NELL1: variants seen among roughly 807,000 people sequenced by gnomAD.
NELL1 encodes neural EGFL like 1, also known as protein kinase C-binding protein NELL1.
Under a neutral mutation model 107.4 loss-of-function variants are expected in NELL1, and 76 were observed. That is an observed-to-expected ratio of 0.71 (90% CI 0.59 to 0.86). The LOEUF (loss-of-function observed/expected upper bound fraction) is 0.86, where lower values mean the gene tolerates loss of function less well. NELL1 is among the 40% of genes least tolerant of loss of function. The probability of loss-of-function intolerance (pLI) is 0.00; values close to 1 mark genes in which losing one functional copy is unlikely to be tolerated. For synonymous variants in NELL1, 353 were observed against 341.2 expected (o/e 1.03, Z -0.38); for missense variants, 1,024 against 1,005.5 (o/e 1.02, Z -0.25).
chr11:20,744,811 G>A (rs1022240558), intron 2 of NELL1, among the ~76,000 whole-genome samples: 1 of 152,202 alleles, frequency 6.6e-6, no homozygotes, highest in African/African-American at 2.4e-5. Context: ...GGAGTAGGGA[G>A]GGAATATATT....
chr11:21,195,372 C>T (rs1047958320), intron 13 of NELL1, among the ~76,000 whole-genome samples: 2 of 152,258 alleles, frequency 1.3e-5, no homozygotes, highest in African/African-American at 4.8e-5. Flanking sequence ...GGGGCAACCA[C>T]TATCAGAAAA....
At chr11:20,702,276 G>C (rs537883297) in intron 2 of NELL1, among the ~76,000 whole-genome samples, 36 of 152,236 alleles carry the variant, frequency 2.4e-4, no homozygotes, top group African/African-American at 8.7e-4. Flanking sequence ...AAGCAATTAT[G>C]AATAGGAGTT....
At position 20,700,864 on chromosome 11, in the gene NELL1, T is replaced by C. The variant is rs372156378; in HGVS notation, c.184+22804T>C. On this transcript the variant is annotated intron_variant, in intron 2 of 19. Transcript: ENST00000357134. ...TATCCTTTTTTATGGCTGCCTAGTA[T>C]TCCATGGTGTATATGTGCCACATTT... Among the ~76,000 whole-genome samples the C allele has an allele frequency of 2.6e-5, 4 of 152,204 alleles. No individual in the cohort carries two copies. In the East Asian group the frequency reaches 5.8e-4, roughly 22 times the overall value.
intron 14 of NELL1, among the ~76,000 whole-genome samples, chr11:21,261,467 C>T (rs145055780): frequency 1.8e-4 from 27 of 151,640 alleles, no homozygotes; most frequent in East Asian, 9.7e-4. Context: ...TCCATTTGTA[C>T]GACTAATTAT....
intron 14 of NELL1, among the ~76,000 whole-genome samples, chr11:21,333,330 C>T (rs1027673270): frequency 8.6e-5 from 13 of 152,042 alleles, no homozygotes; most frequent in Admixed American, 1.3e-4. Context: ...TTCTAGGTTA[C>T]GGTTAAGGTG....
chr11:21,181,701 C>G (rs1468640972), intron 13 of NELL1, among the ~76,000 whole-genome samples: 1 of 151,834 alleles, frequency 6.6e-6, no homozygotes, highest in African/African-American at 2.4e-5. Context: ...GTTAACATTT[C>G]TTTTCTCTCT....
chr11:21,544,230 A>G (rs1856372233), intron 16 of NELL1, among the ~76,000 whole-genome samples: 2 of 152,048 alleles, frequency 1.3e-5, no homozygotes, highest in Non-Finnish European at 2.9e-5. Flanking sequence ...GGATGTTATT[A>G]TAAGTATTAT....
chr11:21,540,965 CCT>C lies in NELL1; in HGVS notation c.1786+6454_1786+6455del, dbSNP rs1368276032. ...TAATAATAAGAATAAAAATTTCTCCCCTCTTATTTGTCTTCATAGCCGTTTAT... is the reference window on the plus strand; with the variant it reads ...TAATAATAAGAATAAAAATTTCTCCCCTTATTTGTCTTCATAGCCGTTTAT... On this transcript the variant is annotated intron_variant, in intron 16 of 19. Transcript: ENST00000357134. 2.6e-5 allele frequency among the ~76,000 whole-genome samples: 4 copies of C among 152,104 alleles called. No homozygotes were observed. The East Asian group carries it at 7.8e-4, about 30-fold the overall frequency.
chr11:21,311,079 A>C (rs926580347), intron 14 of NELL1, among the ~76,000 whole-genome samples: 1 of 152,028 alleles, frequency 6.6e-6, no homozygotes, highest in Non-Finnish European at 1.5e-5. Flanking sequence ...CTGGCTTCTC[A>C]TAGTGTTTAA....
At chr11:20,698,962 A>G (rs1467686578) in intron 2 of NELL1, among the ~76,000 whole-genome samples, 1 of 152,076 alleles carries the variant, frequency 6.6e-6, no homozygotes, top group Non-Finnish European at 1.5e-5. Flanking sequence ...CATGCCTGTA[A>G]TCCCAGTACT....
chr11:20,695,635 A>T (rs541420660), intron 2 of NELL1, among the ~76,000 whole-genome samples: 1 of 152,114 alleles, frequency 6.6e-6, no homozygotes, highest in East Asian at 1.9e-4. Flanking sequence ...CTTGATCATG[A>T]TGAATTAACT....
At chr11:21,081,705 T>C (rs1271841423) in intron 12 of NELL1, among the ~76,000 whole-genome samples, 5 of 152,192 alleles carry the variant, frequency 3.3e-5, no homozygotes, top group Non-Finnish European at 7.3e-5. Flanking sequence ...CAAACTGCTA[T>C]GATCTCTTTT....
At chr11:20,898,599 A>G (rs1438963124) in intron 5 of NELL1, among the ~76,000 whole-genome samples, 3 of 151,666 alleles carry the variant, frequency 2.0e-5, no homozygotes, top group African/African-American at 7.3e-5. Context: ...TTTTCACCAC[A>G]TCCACGTCAA....
At chr11:21,461,634 TACA>T (rs1308424960) in intron 15 of NELL1, among the ~76,000 whole-genome samples, 3 of 152,196 alleles carry the variant, frequency 2.0e-5, no homozygotes, top group East Asian at 3.9e-4. Context: ...CCTTAATTCT[TACA>T]ACAACTTTGA....
rs1565122814 is a variant in NELL1, at chr11:21,232,179, A to ATATATATATAT, written c.1549+2725_1549+2726insTATATATATAT. On this transcript the variant is annotated intron_variant, in intron 14 of 19. Transcript: ENST00000357134. Reference sequence around the variant, plus strand: ...AAAAAAATATATATATATATATATAAATTAGCTGGGCGTGGTGGTGTCCAC... The same window carrying ATATATATATAT: ...AAAAAAATATATATATATATATATAATATATATATATATTAGCTGGGCGTGGTGGTGTCCAC... 7.4e-4 allele frequency among the ~76,000 whole-genome samples: 83 copies of ATATATATATAT among 111,468 alleles called. 1 individual carries two copies. Among genetic ancestry groups the ATATATATATAT allele is most frequent in the Non-Finnish European group, 1.0e-3 (55 of 55,114 alleles). The allele number at this position is 111,468 out of a possible 152,430, so 73.1% of individuals were successfully genotyped here.
chr11:21,398,498 G>A (rs546606175), intron 15 of NELL1, among the ~76,000 whole-genome samples: 1 of 151,808 alleles, frequency 6.6e-6, no homozygotes, highest in African/African-American at 2.4e-5. Context: ...AAAGATCCAA[G>A]AGGGAGCATA....
intron 13 of NELL1, among the ~76,000 whole-genome samples, chr11:21,151,237 A>T (rs546193624): frequency 1.3e-5 from 2 of 152,152 alleles, no homozygotes; most frequent in East Asian, 3.9e-4. Flanking sequence ...AGGAACATAC[A>T]TTGCTGCTTC....
chr11:21,445,906 C>G (rs1853413731), intron 15 of NELL1, among the ~76,000 whole-genome samples: 1 of 152,106 alleles, frequency 6.6e-6, no homozygotes, highest in Non-Finnish European at 1.5e-5. Context: ...GGGAATTTCT[C>G]TGTTATTATC....
chr11:20,724,471 A>C (rs1422081653), intron 2 of NELL1, among the ~76,000 whole-genome samples: 1 of 152,134 alleles, frequency 6.6e-6, no homozygotes, highest in Non-Finnish European at 1.5e-5. Context: ...AGGTACCCTA[A>C]ATCATCTCAC....
Sources: gnomAD v4.1 joint callset for allele counts (sites outside exome capture counted in the v4.1 genomes callset) on GRCh38, gnomAD v4.1.1 for gene constraint, MANE v1.5 for transcripts, NCBI Gene and HGNC (gene_info 2026-07-23, HGNC 2026-07-21) for gene names.